The following TAF3 variants were observed in gnomAD, a reference collection of about 807,000 sequenced individuals.
The protein encoded by TAF3 is TATA-box binding protein associated factor 3.
TAF3 carries 7 observed loss-of-function variants against 80.6 expected under a neutral mutation model. The observed-to-expected ratio is 0.09, with a 90% CI of 0.05 to 0.16. The LOEUF (loss-of-function observed/expected upper bound fraction) is 0.16, where lower values mean the gene tolerates loss of function less well. TAF3 is among the 10% of genes least tolerant of loss of function. The pLI is 1.00. For missense variants in TAF3, 921 were observed against 1,140.2 expected (o/e 0.81, Z 2.77); for synonymous variants, 444 against 446.1 (o/e 1.00, Z 0.06).
At chr10:7,842,182 T>G (rs1252225923) in intron 2 of TAF3, among the ~76,000 whole-genome samples, 4 of 128,422 alleles carry the variant, frequency 3.1e-5, no homozygotes, top group Non-Finnish European at 5.0e-5. Context: ...TTTTGTTTTT[T>G]TTTTTTTTTG....
chr10:7,924,823 G>A (rs1419767520), intron 2 of TAF3, among the ~76,000 whole-genome samples: 4 of 151,784 alleles, frequency 2.6e-5, no homozygotes, highest in Non-Finnish European at 4.4e-5. Flanking sequence ...TTCTCTGGTT[G>A]TCACATTTGT....
chr10:7,867,322 A>G (rs747732914), intron 2 of TAF3, among the ~76,000 whole-genome samples: 2 of 152,224 alleles, frequency 1.3e-5, no homozygotes, highest in Non-Finnish European at 2.9e-5. Context: ...TTAAGTATGC[A>G]TTTTAAAATT....
intron 2 of TAF3, among the ~76,000 whole-genome samples, chr10:7,960,319 G>A (rs1326879792): frequency 6.6e-6 from 1 of 152,116 alleles, no homozygotes; most frequent in East Asian, 1.9e-4. Context: ...AGGGAGGGAG[G>A]GAAAAGTTTA....
intron 2 of TAF3, among the ~76,000 whole-genome samples, chr10:7,828,995 A>ACTCCAGC (rs1480877592): frequency 7.9e-6 from 1 of 126,138 alleles, no homozygotes; most frequent in East Asian, 2.6e-4. Context: ...GTGCCACTGC[A>ACTCCAGC]CTCCAGCCTG....
rs770756091 is a variant in TAF3, at chr10:7,964,092, G to A, written c.582G>A (p.Arg194=). Residue 194 remains arginine, a synonymous_variant, in exon 3 of 7, where the codon CGG becomes CGA. Coordinates refer to ENST00000344293, the MANE Select transcript of TAF3 (RefSeq NM_031923.4). This position sits in a 1 kb window ranked among gnomAD's most constrained non-coding sequence, Gnocchi z 4.1. ...PEAEELPAMK[R]PRLLSTKGDT... ...CTGAAGAACTGCCAGCCATGAAGCGGCCTCGGCTATTAAGCACTAAAGGGG... is the reference window on the plus strand; with the variant it reads ...CTGAAGAACTGCCAGCCATGAAGCGACCTCGGCTATTAAGCACTAAAGGGG... The A allele has an allele frequency of 1.9e-6, 3 of 1,614,100 alleles. No homozygotes were observed. Among genetic ancestry groups the A allele is most frequent in the South Asian group, 1.1e-5 (1 of 91,076 alleles).
At chr10:7,913,385 C>T (rs1448697303) in intron 2 of TAF3, among the ~76,000 whole-genome samples, 1 of 152,186 alleles carries the variant, frequency 6.6e-6, no homozygotes, top group Non-Finnish European at 1.5e-5. Flanking sequence ...AGCTCTCATT[C>T]GCCCAGGCTT....
intron 2 of TAF3, among the ~76,000 whole-genome samples, chr10:7,897,371 T>G (rs1258710491): frequency 1.3e-5 from 2 of 152,240 alleles, no homozygotes; most frequent in Admixed American, 1.3e-4. Flanking sequence ...TCCATTATCT[T>G]TTAGCATTGA....
chr10:7,824,230 ATATT>A, intron 1 of TAF3, 84 bp from the exon 2 acceptor site: 1 of 1,426,608 alleles, frequency 7.0e-7, no homozygotes, highest in Non-Finnish European at 9.5e-7. Context: ...TCTGAGCTGC[ATATT>A]TACTTACTAC....
chr10:7,880,548 C>A (rs554201026), intron 2 of TAF3, among the ~76,000 whole-genome samples: 1 of 152,306 alleles, frequency 6.6e-6, no homozygotes, highest in Admixed American at 6.5e-5. Context: ...TTTTCTTAGA[C>A]TACCCCACTC....
intron 2 of TAF3, among the ~76,000 whole-genome samples, chr10:7,895,840 G>T (rs1837499400): frequency 6.6e-6 from 1 of 152,130 alleles, no homozygotes; most frequent in East Asian, 1.9e-4. Flanking sequence ...TTTTTCTGGC[G>T]TTCAGTAGGC....
intron 2 of TAF3, among the ~76,000 whole-genome samples, chr10:7,933,932 C>T (rs1837892729): frequency 1.3e-5 from 2 of 152,184 alleles, no homozygotes; most frequent in South Asian, 4.1e-4. Context: ...CAGTCACTGC[C>T]TGGCAGCTGT....
At chr10:7,882,310 G>A (rs928174282) in intron 2 of TAF3, among the ~76,000 whole-genome samples, 1 of 152,148 alleles carries the variant, frequency 6.6e-6, no homozygotes, top group Non-Finnish European at 1.5e-5. Flanking sequence ...GTTTGTGCAA[G>A]ACATACATAT....
At chr10:7,871,097 T>C (rs1018227944) in intron 2 of TAF3, among the ~76,000 whole-genome samples, 7 of 152,182 alleles carry the variant, frequency 4.6e-5, no homozygotes, top group African/African-American at 1.7e-4. Flanking sequence ...TAGTCAGTCG[T>C]TTAATATACT....
chr10:7,978,772 C>T (rs1389580658), intron 4 of TAF3, among the ~76,000 whole-genome samples: 1 of 152,202 alleles, frequency 6.6e-6, no homozygotes, highest in Admixed American at 6.5e-5. Flanking sequence ...GTACTTTTCT[C>T]CTGCAGTTTA....
chr10:7,930,993 CAAG>C (rs1399000465), intron 2 of TAF3, among the ~76,000 whole-genome samples: 1 of 152,124 alleles, frequency 6.6e-6, no homozygotes. Context: ...ATAAATAGAA[CAAG>C]AAGAACTTAA....
intron 4 of TAF3, among the ~76,000 whole-genome samples, chr10:7,995,299 T>G (rs1029841512): frequency 6.6e-6 from 1 of 152,230 alleles, no homozygotes; most frequent in African/African-American, 2.4e-5. Context: ...ATAAGGAATT[T>G]TTCTAAAACT....
chr10:7,868,629 A>C (rs1192478976), intron 2 of TAF3, among the ~76,000 whole-genome samples: 1 of 152,394 alleles, frequency 6.6e-6, no homozygotes, highest in East Asian at 1.9e-4. Context: ...TTACTTAAAC[A>C]TTCCAAATCT....
intron 2 of TAF3, among the ~76,000 whole-genome samples, chr10:7,856,660 A>G (rs1471357647): frequency 3.9e-5 from 6 of 152,154 alleles, no homozygotes; most frequent in African/African-American, 7.2e-5. Context: ...ATTTCCCTCT[A>G]AAAGGAACAA....
At chr10:7,968,820 T>G (rs1409677535) in intron 3 of TAF3, among the ~76,000 whole-genome samples, 1 of 152,170 alleles carries the variant, frequency 6.6e-6, no homozygotes, top group Admixed American at 6.5e-5. Flanking sequence ...TATGTTAAAA[T>G]GGGATAAGTG....
Sources: allele counts gnomAD v4.1 joint callset (sites outside exome capture counted in the v4.1 genomes callset), GRCh38; gene constraint gnomAD v4.1.1; non-coding constraint Gnocchi (gnomAD v3.1); transcripts MANE v1.5; gene names NCBI Gene and HGNC (gene_info 2026-07-23, HGNC 2026-07-21).